The following CDCA3 variants were observed in gnomAD, a reference collection of about 807,000 sequenced individuals.
The protein encoded by CDCA3 is cell division cycle-associated protein 3.
Under a neutral mutation model 29.1 loss-of-function variants are expected in CDCA3, and 16 were observed. The observed-to-expected ratio is 0.55, with a 90% CI of 0.37 to 0.83. The LOEUF (loss-of-function observed/expected upper bound fraction) is 0.83, where lower values mean the gene tolerates loss of function less well. Ranked by LOEUF, CDCA3 falls within the 40% of genes least tolerant of loss-of-function variation. The pLI is 0.00. For synonymous variants in CDCA3, 88 were observed against 124.5 expected, an observed-to-expected ratio of 0.71 and a Z score of 1.95; for missense variants, 291 against 327.2, an observed-to-expected ratio of 0.89 and a Z score of 0.85.
At position 6,851,260 on chromosome 12, in the gene CDCA3, G is replaced by A. The variant is rs1943879472; in HGVS notation, c.-96C>T. 1.7e-6 allele frequency: 2 copies of A among 1,148,848 alleles called. No individual in the cohort carries two copies. The highest frequency in any genetic ancestry group is 5.2e-5 in the East Asian group (1 of 19,314). 71.2% of individuals were successfully genotyped at this position (1,148,848 alleles called of 1,614,324 possible). A position where few individuals can be genotyped will look rare whatever the true frequency, so the allele number is the denominator to read the frequency against. ...CACCTCTGGATGCACAACAGCTCGT[G>A]GCTCAACTCCCGAAGTTACCAGTTT... On this transcript the variant is annotated 5_prime_UTR_variant, in exon 1 of 6. Transcript: ENST00000538862.
At position 6,850,822 on chromosome 12, in the gene CDCA3, G is replaced by A; in HGVS notation, c.120+11C>T. ...GACATTCTCTGCCTTTCCCACGCTG[G>A]CCCAGAGTACCTGGATGGGAGTGCG... On this transcript the variant is annotated intron_variant, in intron 2 of 5. Transcript: ENST00000538862. The surrounding 1 kb of genome is among the most constrained non-coding windows in gnomAD (Gnocchi z 4.7). 1 of 1,613,144 alleles carries A rather than the reference G, an allele frequency of 6.2e-7. No homozygotes were observed. The highest frequency in any genetic ancestry group is 8.5e-7 in the Non-Finnish European group (1 of 1,179,558).
Position 6,849,141 on chromosome 12 carries a change from G to A in CDCA3, c.709C>T (p.Leu237Phe). The change falls in exon 6 of 6, where the codon CTT becomes TTT. Residue 237 changes from leucine (L) to phenylalanine (F), a missense_variant. Leu to Phe is a conservative substitution (Grantham distance 22). Transcript: ENST00000538862. The surrounding 1 kb of genome is among the most constrained non-coding windows in gnomAD (Gnocchi z 5.2). ...NVSELKEGAI[L>F]GTGRLLKTGG... The stretch of plus-strand genomic sequence containing the variant: ...GTTTTCAGAAGTCGTCCAGTTCCAA[G>A]AATGGCTCCTTCCTTTAGTTCACTA... The A allele has an allele frequency of 6.2e-7, 1 of 1,611,612 alleles. No homozygotes were observed. The highest frequency in any genetic ancestry group is 8.5e-7 in the Non-Finnish European group (1 of 1,177,668).
In CDCA3 at chr12:6,850,552, C is replaced by T. The variant is rs782595507; in HGVS notation, c.165G>A (p.Leu55=). The change falls in exon 3 of 6, where the codon CTG becomes CTA. Residue 55 remains leucine (L), a synonymous_variant. Transcript: ENST00000538862. The surrounding 1 kb of genome is among the most constrained non-coding windows in gnomAD (Gnocchi z 4.7). ...AGTCCTGGGCATGTTTAAGACCCTC[C>T]AGTTGCTCCCCTGCTGGTAGGCCTG... ...PQPGLPAGEQ[L]EGLKHAQDSD... 8.1e-6 allele frequency: 13 copies of T among 1,614,072 alleles called. No individual in the cohort carries two copies. Among genetic ancestry groups the T allele is most frequent in the Admixed American group, 1.7e-5 (1 of 60,014 alleles).
chr12:6,849,592 T>C lies in CDCA3; in HGVS notation c.517A>G (p.Arg173Gly), dbSNP rs1333488035. Residue 173 changes from arginine to glycine, a missense_variant, in exon 4 of 6, where the codon AGG becomes GGG. Coordinates refer to ENST00000538862, the MANE Select transcript of CDCA3 (RefSeq NM_031299.7). The surrounding 1 kb of genome is among the most constrained non-coding windows in gnomAD (Gnocchi z 5.2). ...VASQSSDKPS[R>G]DPETPRSSGS... ...GAAGATCTGGGAGTCTCAGGGTCCC[T>C]TGAGGGCTTGTCGGAGCTCTGGCTG... 1.2e-6 allele frequency: 2 copies of C among 1,613,282 alleles called. No individual in the cohort carries two copies. Among genetic ancestry groups the C allele is most frequent in the East Asian group, 2.2e-5 (1 of 44,866 alleles).
chr12:6,849,012 G>C lies in CDCA3; in HGVS notation c.*31C>G. The C allele has an allele frequency of 1.2e-6, 1 of 801,358 alleles. No homozygotes were observed. 49.6% of individuals were successfully genotyped at this position (801,358 alleles called of 1,614,324 possible). ...GAGGACACAGATATCACCAGGCCCT[G>C]GGTGACTGCATTGCTGGGGCCATGC... On this transcript the variant is annotated 3_prime_UTR_variant, in exon 6 of 6. Transcript: ENST00000538862. The surrounding 1 kb of genome is among the most constrained non-coding windows in gnomAD (Gnocchi z 5.2).
chr12:6,850,264 C>A lies in CDCA3; in HGVS notation c.250+203G>T. 1 of 646,358 alleles carries A rather than the reference C, an allele frequency of 1.5e-6. No homozygotes were observed. Among genetic ancestry groups the A allele is most frequent in the Non-Finnish European group, 2.6e-6 (1 of 383,244 alleles). The allele number at this position is 646,358 out of a possible 1,614,324, so 40.0% of individuals were successfully genotyped here. On this transcript the variant is annotated intron_variant, in intron 3 of 5. Coordinates refer to ENST00000538862, the MANE Select transcript of CDCA3 (RefSeq NM_031299.7). The surrounding 1 kb of genome is among the most constrained non-coding windows in gnomAD (Gnocchi z 4.7). ...AACTCCTGGGCTCAAGCGATCTGAC[C>A]ACCCCGGCCTTCCAACGTGCTGGGA... is the stretch of plus-strand genomic sequence containing the variant.
chr12:6,846,985 T>C (rs986891758), downstream of CDCA3: 8 of 763,174 alleles, frequency 1.0e-5, no homozygotes, highest in Admixed American at 6.2e-5. Flanking sequence ...TTCTCTTCTA[T>C]ATTCCGGGTG....
Position 6,849,054 on chromosome 12 carries a change from C to G in CDCA3, c.796G>C (p.Val266Leu), listed in dbSNP as rs1210666852. ...GGGCCATGCAGGGCCTAGCTCTCCA[C>G]CAAGGGAAAGTGCTGATTTTCCTTG... is the stretch of plus-strand genomic sequence containing the variant. ...HDKENQHFPL[V>L]ES is the part of the protein sequence containing the mutation. Residue 266 changes from valine to leucine, a missense_variant, in exon 6 of 6, where the codon GTG (valine) becomes CTG (leucine). Transcript: ENST00000538862. The surrounding 1 kb of genome is among the most constrained non-coding windows in gnomAD (Gnocchi z 5.2). 1 of 1,061,222 alleles carries G rather than the reference C, an allele frequency of 9.4e-7. No homozygotes were observed. The highest frequency in any genetic ancestry group is 1.5e-6 in the Non-Finnish European group (1 of 675,250). 65.7% of individuals were successfully genotyped at this position (1,061,222 alleles called of 1,614,324 possible).
chr12:6,845,196 C>T (rs916148052), downstream of CDCA3: 3 of 178,396 alleles, frequency 1.7e-5, no homozygotes, highest in Non-Finnish European at 3.5e-5. Context: ...GACATTTGCT[C>T]GCCGTGAGAT....
In CDCA3 at chr12:6,851,240, C is replaced by T; in HGVS notation, c.-76G>A. On this transcript the variant is annotated 5_prime_UTR_variant, in exon 1 of 6. Coordinates refer to ENST00000538862, the MANE Select transcript of CDCA3 (RefSeq NM_031299.7). ...CACTTACCGGGCCCCAATTCCACCT[C>T]TGGATGCACAACAGCTCGTGGCTCA... The T allele has an allele frequency of 1.7e-6, 2 of 1,205,000 alleles. No homozygotes were observed. The highest frequency in any genetic ancestry group is 2.1e-6 in the Non-Finnish European group (2 of 965,040). 74.6% of individuals were successfully genotyped at this position (1,205,000 alleles called of 1,614,324 possible).
Position 6,850,189 on chromosome 12 carries a change from T to C in CDCA3, c.250+278A>G, listed in dbSNP as rs940719600. On this transcript the variant is annotated intron_variant, in intron 3 of 5. Transcript: ENST00000538862. The surrounding 1 kb of genome is among the most constrained non-coding windows in gnomAD (Gnocchi z 4.7). ...TGTGTGTGTGTGTGTGTTATGTGTG[T>C]GTATTTTTTCTAGAGATGGGGTTTT... The C allele has an allele frequency of 9.6e-6, 5 of 519,566 alleles. No homozygotes were observed. The highest frequency in any genetic ancestry group is 1.4e-5 in the Non-Finnish European group (4 of 288,532). 32.2% of individuals were successfully genotyped at this position (519,566 alleles called of 1,614,324 possible). A position where few individuals can be genotyped will look rare whatever the true frequency, so the allele number is the denominator to read the frequency against.
downstream of CDCA3, chr12:6,846,999 T>G: frequency 2.8e-6 from 2 of 704,582 alleles, no homozygotes; most frequent in Non-Finnish European, 2.5e-6. Flanking sequence ...CCGGGTGCCA[T>G]TCCCACTAAG....
Position 6,850,639 on chromosome 12 carries a change from TCTCTC to T in CDCA3, c.121-48_121-44del. 1 of 1,613,212 alleles carries T rather than the reference TCTCTC, an allele frequency of 6.2e-7. No individual in the cohort carries two copies. The highest frequency in any genetic ancestry group is 8.5e-7 in the Non-Finnish European group (1 of 1,179,420). On this transcript the variant is annotated intron_variant, in intron 2 of 5. Transcript: ENST00000538862. The surrounding 1 kb of genome is among the most constrained non-coding windows in gnomAD (Gnocchi z 4.7). ...TAGAACAAGTCTGGGCCCTGACTCT[TCTCTC>T]CTCTCCTCCCCATATTCCAGGAAGG...
downstream of CDCA3, chr12:6,846,616 C>T: frequency 3.6e-6 from 2 of 556,032 alleles, no homozygotes; most frequent in South Asian, 4.5e-5. Context: ...TGCTCAAGCA[C>T]ACATGCACAC....
In CDCA3 at chr12:6,849,211, G is replaced by T. The variant is rs1300931662; in HGVS notation, c.652-13C>A. The stretch of plus-strand genomic sequence containing the variant: ...AAGGCCGCTTACCCTGAAAACGGCA[G>T]TGTATGAGTTGGGGGGAGTTGCTGT... On this transcript the variant is annotated splice_polypyrimidine_tract_variant and intron_variant, in intron 5 of 5. Transcript: ENST00000538862. This position sits in a 1 kb window ranked among gnomAD's most constrained non-coding sequence, Gnocchi z 5.2. The T allele has an allele frequency of 6.2e-7, 1 of 1,614,008 alleles. No individual in the cohort carries two copies. The highest frequency in any genetic ancestry group is 1.3e-5 in the African/African-American group (1 of 74,960).
chr12:6,847,587 G>A (rs988323859), downstream of CDCA3, among the ~76,000 whole-genome samples: 8 of 152,278 alleles, frequency 5.3e-5, no homozygotes, highest in Non-Finnish European at 8.8e-5. Flanking sequence ...GCAGCAGTTC[G>A]CTATGGCCTG....
At chr12:6,848,827 A>G (rs3180416), downstream of CDCA3, 1 of 568,908 alleles carries the variant, frequency 1.8e-6, no homozygotes, top group Non-Finnish European at 3.1e-6. Context: ...AGGTTTACAT[A>G]TACCTTTTTA....
downstream of CDCA3, chr12:6,846,425 T>G: frequency 5.3e-6 from 1 of 188,344 alleles, no homozygotes; most frequent in Non-Finnish European, 1.1e-5. Flanking sequence ...CCTGTCAAGG[T>G]GCCCTCGGGT....
At chr12:6,847,777 A>T (rs1055955974), downstream of CDCA3, among the ~76,000 whole-genome samples, 3 of 152,242 alleles carry the variant, frequency 2.0e-5, no homozygotes, top group Non-Finnish European at 4.4e-5. Flanking sequence ...ATTGCTCCAG[A>T]TCTTTCAGAA....
Sources: gnomAD v4.1 joint callset for allele counts (sites outside exome capture counted in the v4.1 genomes callset) on GRCh38, gnomAD v4.1.1 for gene constraint, Gnocchi (gnomAD v3.1) non-coding constraint, MANE v1.5 for transcripts, NCBI Gene and HGNC (gene_info 2026-07-23, HGNC 2026-07-21) for gene names.